Variants in CSMD1 observed in about 807,000 individuals in gnomAD.
CSMD1 encodes CUB and Sushi multiple domains 1, also known as CUB and sushi domain-containing protein 1.
Under a neutral mutation model 417.5 loss-of-function variants are expected in CSMD1, and 213 were observed. The observed-to-expected ratio is 0.51, with a 90% confidence interval of 0.46 to 0.57. The LOEUF (loss-of-function observed/expected upper bound fraction) is 0.57, where lower values mean the gene tolerates loss of function less well. CSMD1 is among the 20% of genes least tolerant of loss of function. The pLI is 0.00. For synonymous variants in CSMD1, 2,862 were observed against 1,736.8 expected (o/e 1.65, Z -16.11); for missense variants, 6,923 against 4,529.7 (o/e 1.53, Z -15.17).
chr8:3,344,081 C>G (rs140827106), intron 22 of CSMD1, among the ~76,000 whole-genome samples: 1 of 152,020 alleles, frequency 6.6e-6, no homozygotes, highest in Non-Finnish European at 1.5e-5. Context: ...AGTTGTAAAA[C>G]GAGAGTAGAT....
At chr8:3,642,474 G>T (rs751006715) in intron 7 of CSMD1, among the ~76,000 whole-genome samples, 1 of 152,144 alleles carries the variant, frequency 6.6e-6, no homozygotes, top group East Asian at 1.9e-4. Context: ...CCCAAGTAGT[G>T]ACCCAAGCAA....
intron 5 of CSMD1, among the ~76,000 whole-genome samples, chr8:3,901,215 A>G (rs756076140): frequency 6.6e-5 from 10 of 152,124 alleles, no homozygotes; most frequent in Non-Finnish European, 2.9e-5. Context: ...GGCCAATAGT[A>G]TTTTTATTTC....
chr8:4,052,222 C>G (rs2740890), intron 3 of CSMD1, among the ~76,000 whole-genome samples: 131,791 of 152,206 alleles, frequency 0.87, 57,181 homozygotes, highest in South Asian at 0.94. Context: ...ACCGTGCCCA[C>G]CCAGTACTGC....
chr8:4,300,459 T>G (rs981641279), intron 3 of CSMD1, among the ~76,000 whole-genome samples: 2 of 152,266 alleles, frequency 1.3e-5, no homozygotes, highest in African/African-American at 4.8e-5. Context: ...CTGAGTGTCC[T>G]TGGAATTTAA....
chr8:3,881,934 C>G (rs1563173579), intron 5 of CSMD1, among the ~76,000 whole-genome samples: 1 of 152,062 alleles, frequency 6.6e-6, no homozygotes, highest in East Asian at 1.9e-4. Context: ...CTTTATAATT[C>G]CACAGAGATT....
chr8:3,402,682 G>A (rs1437309132), intron 15 of CSMD1, among the ~76,000 whole-genome samples: 1 of 152,000 alleles, frequency 6.6e-6, no homozygotes, highest in Non-Finnish European at 1.5e-5. Flanking sequence ...TCTCTTTTAT[G>A]TTACCAAATA....
intron 10 of CSMD1, among the ~76,000 whole-genome samples, chr8:3,523,249 A>G (rs1797589573): frequency 6.6e-6 from 1 of 152,200 alleles, no homozygotes; most frequent in African/African-American, 2.4e-5. Context: ...TAAAGCATCT[A>G]CCATATAGGA....
chr8:4,352,253 G>A (rs1584943419), intron 3 of CSMD1, among the ~76,000 whole-genome samples: 1 of 152,162 alleles, frequency 6.6e-6, no homozygotes, highest in Non-Finnish European at 1.5e-5. Context: ...GGTTCTAAAT[G>A]GAAATGAACT....
At chr8:3,513,800 A>G (rs1454744707) in intron 10 of CSMD1, among the ~76,000 whole-genome samples, 3 of 152,222 alleles carry the variant, frequency 2.0e-5, no homozygotes, top group Non-Finnish European at 1.5e-5. Context: ...CAGCATTTTA[A>G]TTACGTAATA....
intron 2 of CSMD1, among the ~76,000 whole-genome samples, chr8:4,520,740 A>G (rs1478010990): frequency 6.6e-6 from 1 of 152,196 alleles, no homozygotes; most frequent in African/African-American, 2.4e-5. Context: ...ATTTAACTCT[A>G]ATTGAATTAA....
intron 34 of CSMD1, 131 bp from the exon 35 acceptor site, chr8:3,189,142 C>G: frequency 2.6e-6 from 2 of 758,044 alleles, no homozygotes; most frequent in South Asian, 6.1e-5. Flanking sequence ...TTAAACGGCA[C>G]TTTTAGCCAA....
intron 1 of CSMD1, among the ~76,000 whole-genome samples, chr8:4,661,185 C>T (rs2126877): frequency 0.094 from 14,255 of 152,196 alleles, 1,231 homozygotes; most frequent in African/African-American, 0.23. Context: ...GCAGCGTTAT[C>T]TGGAATAAGC....
chr8:3,730,501 C>G, intron 6 of CSMD1, among the ~76,000 whole-genome samples: 1 of 151,970 alleles, frequency 6.6e-6, no homozygotes, highest in East Asian at 1.9e-4. Flanking sequence ...TTGACTGATG[C>G]TGATTTGGCC....
At chr8:4,674,101 A>G (rs1805525311) in intron 1 of CSMD1, among the ~76,000 whole-genome samples, 1 of 152,208 alleles carries the variant, frequency 6.6e-6, no homozygotes, top group Non-Finnish European at 1.5e-5. Flanking sequence ...CTCTTTATAT[A>G]AACCAGATTC....
At chr8:4,244,827 G>C (rs1383780891) in intron 3 of CSMD1, among the ~76,000 whole-genome samples, 1 of 152,150 alleles carries the variant, frequency 6.6e-6, no homozygotes, top group East Asian at 1.9e-4. Flanking sequence ...GTATGTATAT[G>C]TTCTGACCTC....
intron 7 of CSMD1, among the ~76,000 whole-genome samples, chr8:3,683,362 G>C (rs1167247697): frequency 6.6e-6 from 1 of 152,056 alleles, no homozygotes; most frequent in East Asian, 1.9e-4. Flanking sequence ...ACAACCACGA[G>C]TGAGCTGTTT....
intron 37 of CSMD1, among the ~76,000 whole-genome samples, chr8:3,166,348 T>G (rs1820215053): frequency 6.6e-6 from 1 of 152,008 alleles, no homozygotes; most frequent in South Asian, 2.1e-4. Context: ...CTGGCCAACA[T>G]GGCCCTGAAA....
intron 1 of CSMD1, among the ~76,000 whole-genome samples, chr8:4,933,460 C>G (rs73511723): frequency 6.6e-6 from 1 of 152,118 alleles, no homozygotes; most frequent in Admixed American, 6.6e-5. Context: ...ATTTCAAAGC[C>G]AACAAGGAGA....
chr8:4,358,780 T>C (rs1456838459), intron 3 of CSMD1, among the ~76,000 whole-genome samples: 7 of 152,136 alleles, frequency 4.6e-5, no homozygotes, highest in African/African-American at 1.7e-4. Context: ...GCAATAAAGC[T>C]TTGTCAGCCA....
Sources: gnomAD v4.1 joint callset for allele counts (sites outside exome capture counted in the v4.1 genomes callset) on GRCh38, gnomAD v4.1.1 for gene constraint, MANE v1.5 for transcripts, NCBI Gene and HGNC (gene_info 2026-07-23, HGNC 2026-07-21) for gene names.